Variants in NCOR1 observed in about 807,000 individuals in gnomAD.
The protein encoded by NCOR1 is nuclear receptor corepressor 1, also known as protein phosphatase 1, regulatory subunit 109.
A neutral mutation model predicts 288.1 loss-of-function variants in NCOR1; 63 were observed. The ratio of observed to expected loss-of-function variants is 0.22; its 90% confidence interval spans 0.18 to 0.27. NCOR1 has a LOEUF of 0.27. Ranked by LOEUF, NCOR1 falls within the 10% of genes least tolerant of loss-of-function variation. NCOR1 has a pLI of 1.00. For synonymous variants in NCOR1, 1,007 were observed against 1,065.9 expected (o/e 0.94, Z 1.08); for missense variants, 2,397 against 3,019.2 (o/e 0.79, Z 4.83).
chr17:16,070,937 G>A (rs1362126247), intron 30 of NCOR1, among the ~76,000 whole-genome samples: 1 of 152,116 alleles, frequency 6.6e-6, no homozygotes, highest in Non-Finnish European at 1.5e-5. Context: ...GCTGGGGCAG[G>A]AGAATCGCTT....
chr17:16,032,797 C>G (rs906430604), intron 45 of NCOR1, among the ~76,000 whole-genome samples: 11 of 152,220 alleles, frequency 7.2e-5, no homozygotes, highest in Non-Finnish European at 1.3e-4. Context: ...TGGAGAATCA[C>G]AGAGTCAGGT....
intron 6 of NCOR1, among the ~76,000 whole-genome samples, chr17:16,155,718 T>C (rs1254870078): frequency 2.0e-5 from 3 of 152,158 alleles, no homozygotes; most frequent in African/African-American, 7.2e-5. Context: ...TTCCAACTAG[T>C]GTAACTGCTG....
At chr17:16,189,795 G>T (rs567792989) in intron 2 of NCOR1, among the ~76,000 whole-genome samples, 1 of 152,090 alleles carries the variant, frequency 6.6e-6, no homozygotes, top group Non-Finnish European at 1.5e-5. Context: ...TAAGTTTGAT[G>T]AAATAAAAAA....
chr17:16,051,852 G>C (rs1046514426), intron 40 of NCOR1, among the ~76,000 whole-genome samples: 1 of 151,956 alleles, frequency 6.6e-6, no homozygotes, highest in Non-Finnish European at 1.5e-5. Context: ...CAGACGTTGT[G>C]GTGAGCTGAG....
chr17:16,152,961 T>C (rs1176817119), intron 7 of NCOR1, among the ~76,000 whole-genome samples: 1 of 152,212 alleles, frequency 6.6e-6, no homozygotes, highest in African/African-American at 2.4e-5. Flanking sequence ...AAATCCATTG[T>C]TTCCCATAAG....
At chr17:16,114,159 A>AC (rs774956635) in intron 18 of NCOR1, among the ~76,000 whole-genome samples, 6,892 of 147,910 alleles carry the variant, frequency 0.047, 1,021 homozygotes, top group Middle Eastern at 0.077. Flanking sequence ...AAAAAAAAAA[A>AC]AAAAAAAAAA....
At chr17:16,137,895 A>G (rs2076649661) in intron 13 of NCOR1, 1 of 369,902 alleles carries the variant, frequency 2.7e-6, no homozygotes, top group Admixed American at 4.5e-5. Context: ...TTAATTAGAA[A>G]TTTAATGAGG....
intron 21 of NCOR1, among the ~76,000 whole-genome samples, chr17:16,096,205 G>C (rs1328330842): frequency 6.6e-6 from 1 of 152,064 alleles, no homozygotes; most frequent in African/African-American, 2.4e-5. Context: ...GAAAACCAGA[G>C]ACCTTTGTTC....
At chr17:16,127,321 A>G (rs563966014) in intron 14 of NCOR1, among the ~76,000 whole-genome samples, 1,207 of 96,130 alleles carry the variant, frequency 0.013, 325 homozygotes, top group African/African-American at 0.038. Context: ...ATGTATGTAT[A>G]TATGTATGTA....
intron 44 of NCOR1, 66 bp from the exon 45 acceptor site, chr17:16,035,010 G>T: frequency 6.9e-7 from 1 of 1,448,772 alleles, no homozygotes; most frequent in South Asian, 1.2e-5. Flanking sequence ...AAATGCTAAT[G>T]ATTATATATT....
intron 1 of NCOR1, among the ~76,000 whole-genome samples, chr17:16,210,524 A>G (rs555108123): frequency 1.3e-5 from 2 of 152,302 alleles, no homozygotes; most frequent in East Asian, 1.9e-4. Flanking sequence ...CCTCAAAGAC[A>G]TTTTTGTTTA....
At chr17:16,058,973 C>T (rs906524594) in intron 37 of NCOR1, among the ~76,000 whole-genome samples, 7 of 139,182 alleles carry the variant, frequency 5.0e-5, no homozygotes, top group East Asian at 2.2e-4. Context: ...CGCTTGAACC[C>T]GGGAGGCGGA....
chr17:16,080,811 A>C, intron 23 of NCOR1, 84 bp from the exon 24 acceptor site: 2 of 1,305,444 alleles, frequency 1.5e-6, no homozygotes, highest in Non-Finnish European at 2.1e-6. Flanking sequence ...CAGCATTCCC[A>C]TTTCTGTTTA....
intron 44 of NCOR1, among the ~76,000 whole-genome samples, chr17:16,037,496 A>G (rs183535534): frequency 4.7e-4 from 71 of 152,318 alleles, no homozygotes; most frequent in Non-Finnish European, 9.3e-4. Context: ...ACAAAAAACA[A>G]GGTTCGTCCT....
intron 21 of NCOR1, among the ~76,000 whole-genome samples, chr17:16,092,650 TATATATATATATATATATATATATATATA>T (rs2065388690): frequency 8.3e-4 from 11 of 13,188 alleles, no homozygotes; most frequent in African/African-American, 2.7e-3. Flanking sequence ...GATCCATTTA[TATATATATATATATATATATATATATATA>T]TATATATATA....
chr17:16,042,166 A>G (rs2057834999), intron 42 of NCOR1, among the ~76,000 whole-genome samples: 1 of 142,280 alleles, frequency 7.0e-6, no homozygotes, highest in Non-Finnish European at 1.5e-5. Flanking sequence ...CTGACAGAGG[A>G]GAAAAGTCCT....
chr17:16,181,200 C>CATAT (rs556004926), intron 3 of NCOR1, among the ~76,000 whole-genome samples: 3 of 75,680 alleles, frequency 4.0e-5, no homozygotes, highest in East Asian at 7.8e-4. Flanking sequence ...TGTGTGTATA[C>CATAT]ATATATATGT....
intron 42 of NCOR1, 173 bp downstream of exon 42, chr17:16,046,778 A>G: frequency 1.5e-6 from 1 of 682,238 alleles, no homozygotes; most frequent in Non-Finnish European, 2.3e-6. Flanking sequence ...CTGCCTCCTA[A>G]TTAGAACTCT....
chr17:16,039,428 T>G lies in NCOR1; in HGVS notation c.6955+5A>C, dbSNP rs1354986407. Reference sequence around the variant, plus strand: ...AGCAGAAAAGCACTAAAATGAAAGCTGTACCTGAATGAGGTGATGGGTCCC... The same window carrying G: ...AGCAGAAAAGCACTAAAATGAAAGCGGTACCTGAATGAGGTGATGGGTCCC... On this transcript the variant is annotated splice_donor_5th_base_variant and intron_variant, in intron 44 of 45. Transcript: ENST00000268712. 1 of 1,612,216 alleles carries G rather than the reference T, an allele frequency of 6.2e-7. No individual in the cohort carries two copies. The highest frequency in any genetic ancestry group is 8.5e-7 in the Non-Finnish European group (1 of 1,178,942).
Sources: allele counts gnomAD v4.1 joint callset (sites outside exome capture counted in the v4.1 genomes callset), GRCh38; gene constraint gnomAD v4.1.1; transcripts MANE v1.5; gene names NCBI Gene and HGNC (gene_info 2026-07-23, HGNC 2026-07-21).